Variants in BICC1 observed in about 807,000 individuals in gnomAD.
BICC1 encodes the protein protein bicaudal C homolog 1.
In BICC1, 43 loss-of-function variants were observed where a neutral mutation model predicts 111.0. The ratio of observed to expected loss-of-function variants is 0.39; its 90% CI spans 0.30 to 0.50. BICC1 has a LOEUF of 0.50. Ranked by LOEUF, BICC1 falls within the 20% of genes least tolerant of loss-of-function variation. The pLI is 0.88. For missense variants in BICC1, 1,091 were observed against 1,203.2 expected (o/e 0.91, Z 1.38); for synonymous variants, 467 against 434.4 (o/e 1.07, Z -0.93).
At chr10:58,547,333 C>A (rs2131901482) in intron 1 of BICC1, among the ~76,000 whole-genome samples, 2 of 152,224 alleles carry the variant, frequency 1.3e-5, no homozygotes, top group Middle Eastern at 6.8e-3. Context: ...AGAAGTATTC[C>A]ATAAAACATC....
At chr10:58,570,281 G>A (rs1649039) in intron 1 of BICC1, among the ~76,000 whole-genome samples, 69,937 of 152,010 alleles carry the variant, frequency 0.46, 17,114 homozygotes, top group Admixed American at 0.62. Flanking sequence ...TGATGTCAGG[G>A]TTAGAGAAAT....
At chr10:58,562,261 A>G (rs575204591) in intron 1 of BICC1, among the ~76,000 whole-genome samples, 17 of 151,890 alleles carry the variant, frequency 1.1e-4, no homozygotes, top group African/African-American at 4.1e-4. Context: ...TTTGTGTTCC[A>G]TTGTCTTATT....
chr10:58,567,879 C>G (rs531462583), intron 1 of BICC1, among the ~76,000 whole-genome samples: 3 of 152,122 alleles, frequency 2.0e-5, no homozygotes, highest in Admixed American at 1.3e-4. Context: ...ACTTACTTAC[C>G]TAGGGACCTG....
chr10:58,624,540 T>C (rs1400310065), intron 2 of BICC1, among the ~76,000 whole-genome samples: 3 of 152,194 alleles, frequency 2.0e-5, no homozygotes, highest in East Asian at 3.8e-4. Flanking sequence ...AATGAGTATA[T>C]AATTGACATG....
intron 3 of BICC1, among the ~76,000 whole-genome samples, chr10:58,709,504 T>C (rs1380976423): frequency 6.6e-6 from 1 of 152,184 alleles, no homozygotes; most frequent in African/African-American, 2.4e-5. Context: ...AGCACGTGGA[T>C]TTTGTGAATC....
At chr10:58,706,727 C>T (rs1325736338) in intron 3 of BICC1, among the ~76,000 whole-genome samples, 3 of 152,184 alleles carry the variant, frequency 2.0e-5, no homozygotes, top group Non-Finnish European at 4.4e-5. Context: ...CGCCCTCTCT[C>T]CCCTGCTGCC....
chr10:58,718,066 T>C (rs923720161), intron 3 of BICC1, among the ~76,000 whole-genome samples: 1 of 152,256 alleles, frequency 6.6e-6, no homozygotes, highest in Non-Finnish European at 1.5e-5. Context: ...TTGTTTGCCC[T>C]TCCCTTTTGT....
intron 2 of BICC1, among the ~76,000 whole-genome samples, chr10:58,664,581 A>T (rs1390069725): frequency 6.6e-6 from 1 of 151,996 alleles, no homozygotes; most frequent in African/African-American, 2.4e-5. Flanking sequence ...TTTTCATTAG[A>T]TCCTTATATT....
intron 3 of BICC1, among the ~76,000 whole-genome samples, chr10:58,743,536 G>C (rs1841737287): frequency 6.8e-6 from 1 of 147,962 alleles, no homozygotes; most frequent in African/African-American, 2.5e-5. Flanking sequence ...GAAGTTAGTT[G>C]AATTTCCCTT....
chr10:58,769,404 G>GTGTGTATATA lies in BICC1; in HGVS notation c.308-15596_308-15595insGTGTATATAT, dbSNP rs1050060686. 7.1e-3 allele frequency among the ~76,000 whole-genome samples: 779 copies of GTGTGTATATA among 109,704 alleles called. 6 individuals are homozygous for GTGTGTATATA. The highest frequency in any genetic ancestry group is 0.021 in the African/African-American group (647 of 31,364). The allele number at this position is 109,704 out of a possible 152,430, so 72.0% of individuals were successfully genotyped here. A position where few individuals can be genotyped will look rare whatever the true frequency, so the allele number is the denominator to read the frequency against. Reference sequence around the variant, plus strand: ...TGTGTGTGTGTGTGTGTGTGTGTGTGTATATATATATATATATATATAATC... The same window carrying GTGTGTATATA: ...TGTGTGTGTGTGTGTGTGTGTGTGTGTGTGTATATATATATATATATATATATATATAATC... On this transcript the variant is annotated intron_variant, in intron 3 of 20. Coordinates refer to ENST00000373886, the MANE Select transcript of BICC1 (RefSeq NM_001080512.3).
intron 3 of BICC1, among the ~76,000 whole-genome samples, chr10:58,739,585 A>G (rs916287896): frequency 3.3e-5 from 5 of 151,980 alleles, no homozygotes; most frequent in African/African-American, 7.2e-5. Flanking sequence ...CTCTCCAACA[A>G]TTCTTACATG....
chr10:58,579,509 G>A (rs1165887456), intron 1 of BICC1, among the ~76,000 whole-genome samples: 2 of 152,208 alleles, frequency 1.3e-5, no homozygotes, highest in East Asian at 1.9e-4. Flanking sequence ...CCGGAGCCAC[G>A]CCTACTGGGG....
chr10:58,653,436 C>A (rs2393462), intron 2 of BICC1, among the ~76,000 whole-genome samples: 148,384 of 152,242 alleles, frequency 0.97, 72,425 homozygotes, highest in East Asian at 1. Context: ...CTGTGGACAC[C>A]AAAGACAGTC....
chr10:58,798,971 A>C, intron 11 of BICC1, 85 bp from the exon 12 acceptor site: 2 of 1,100,738 alleles, frequency 1.8e-6, no homozygotes, highest in Non-Finnish European at 2.5e-6. Context: ...TTGCAGCAAC[A>C]AAAATGATAT....
chr10:58,731,099 T>C (rs1841277489), intron 3 of BICC1, among the ~76,000 whole-genome samples: 1 of 152,232 alleles, frequency 6.6e-6, no homozygotes, highest in African/African-American at 2.4e-5. Context: ...TCAGGCTATA[T>C]ACTTGAATGT....
intron 2 of BICC1, among the ~76,000 whole-genome samples, chr10:58,696,386 A>G (rs553106130): frequency 3.0e-4 from 45 of 152,266 alleles, no homozygotes; most frequent in Middle Eastern, 3.4e-3. Context: ...ATTGTTTCAT[A>G]TATTTTAAAA....
chr10:58,745,605 C>G (rs1217261989), intron 3 of BICC1, among the ~76,000 whole-genome samples: 3 of 125,540 alleles, frequency 2.4e-5, no homozygotes, highest in African/African-American at 8.7e-5. Flanking sequence ...CCCCACCGCC[C>G]CCCCCCCACA....
intron 2 of BICC1, among the ~76,000 whole-genome samples, chr10:58,629,181 A>G (rs144940998): frequency 1.2e-3 from 186 of 152,332 alleles, no homozygotes; most frequent in African/African-American, 4.1e-3. Flanking sequence ...ATCTGGCTAA[A>G]GTAACATGTA....
Position 58,810,455 on chromosome 10 carries a change from CT to C in BICC1, c.2376+3308del, listed in dbSNP as rs574918564. On this transcript the variant is annotated intron_variant, in intron 17 of 20. Coordinates refer to ENST00000373886, the MANE Select transcript of BICC1 (RefSeq NM_001080512.3). Reference sequence around the variant, plus strand: ...AGTGCTACTAATGGAAAGATATGATCTTTTTTTTTTTCTTTTTTGTGAATGG... The same window carrying C: ...AGTGCTACTAATGGAAAGATATGATCTTTTTTTTTTCTTTTTTGTGAATGG... Among the ~76,000 whole-genome samples, 1,403 of 147,904 alleles carry C rather than the reference CT, an allele frequency of 9.5e-3. 10 individuals carry two copies. The highest frequency in any genetic ancestry group is 0.014 in the African/African-American group (567 of 40,448).
Sources: gnomAD v4.1 joint callset for allele counts (sites outside exome capture counted in the v4.1 genomes callset) on GRCh38, gnomAD v4.1.1 for gene constraint, MANE v1.5 for transcripts, NCBI Gene and HGNC (gene_info 2026-07-23, HGNC 2026-07-21) for gene names.